Variants in DOCK3 observed in about 807,000 individuals in gnomAD.
DOCK3 encodes the protein dedicator of cytokinesis 3, also known as dedicator of cytokinesis protein 3.
Under a neutral mutation model 265.6 loss-of-function variants are expected in DOCK3, and 60 were observed. The ratio of observed to expected loss-of-function variants is 0.23; its 90% confidence interval spans 0.18 to 0.28. The LOEUF is 0.28. Among genes scored for constraint, DOCK3 ranks in the 10% least tolerant of loss-of-function variants. The pLI is 1.00. For synonymous variants in DOCK3, 881 were observed against 938.0 expected, an observed-to-expected ratio of 0.94 and a Z score of 1.11; for missense variants, 1,981 against 2,594.3, an observed-to-expected ratio of 0.76 and a Z score of 5.14.
At chr3:50,686,448 T>C (rs936161738) in intron 1 of DOCK3, among the ~76,000 whole-genome samples, 1 of 152,252 alleles carries the variant, frequency 6.6e-6, no homozygotes, top group Non-Finnish European at 1.5e-5. Flanking sequence ...TCTTCTAGCA[T>C]GCACAAAGTC....
intron 12 of DOCK3, among the ~76,000 whole-genome samples, chr3:51,165,469 C>T (rs1407452166): frequency 6.6e-6 from 1 of 152,230 alleles, no homozygotes; most frequent in African/African-American, 2.4e-5. Context: ...CTAATGTTTA[C>T]CATTTTAGCA....
At chr3:50,719,712 G>A (rs1037753795) in intron 1 of DOCK3, 2 of 1,444,712 alleles carry the variant, frequency 1.4e-6, no homozygotes, top group Non-Finnish European at 1.9e-6. Context: ...ATGCTTCAGA[G>A]TGAAGTTCTT....
intron 2 of DOCK3, among the ~76,000 whole-genome samples, chr3:50,799,063 A>G (rs774001388): frequency 1.3e-5 from 2 of 152,076 alleles, no homozygotes; most frequent in Non-Finnish European, 2.9e-5. Flanking sequence ...GGTTGTCTAT[A>G]CTGTTTTAGT....
At chr3:50,706,098 G>T (rs756820479) in intron 1 of DOCK3, among the ~76,000 whole-genome samples, 3 of 151,970 alleles carry the variant, frequency 2.0e-5, no homozygotes, top group African/African-American at 4.8e-5. Flanking sequence ...TATGAAGAAG[G>T]CGCCTGCTTC....
intron 5 of DOCK3, among the ~76,000 whole-genome samples, chr3:51,033,355 T>A (rs148850510): frequency 2.8e-4 from 42 of 152,324 alleles, no homozygotes; most frequent in African/African-American, 7.7e-4. Flanking sequence ...TGATCCTTCC[T>A]TAAAACTATT....
chr3:51,290,586 A>G (rs987477956), intron 27 of DOCK3, among the ~76,000 whole-genome samples: 3 of 152,226 alleles, frequency 2.0e-5, no homozygotes, highest in Non-Finnish European at 2.9e-5. Flanking sequence ...CCTAGTGTAA[A>G]TGACGAGTTA....
chr3:51,200,432 T>C (rs1308368471), intron 12 of DOCK3, among the ~76,000 whole-genome samples: 5 of 29,202 alleles, frequency 1.7e-4, no homozygotes, highest in South Asian at 1.4e-3. Flanking sequence ...AGGGTATCAG[T>C]GATGGAAGAT....
intron 4 of DOCK3, among the ~76,000 whole-genome samples, chr3:50,917,846 G>C (rs2050211913): frequency 6.6e-6 from 1 of 151,958 alleles, no homozygotes; most frequent in Non-Finnish European, 1.5e-5. Flanking sequence ...TGACATGTTG[G>C]TGTGCTGCAT....
chr3:50,968,313 C>A (rs1293956165), intron 5 of DOCK3, among the ~76,000 whole-genome samples: 1 of 151,954 alleles, frequency 6.6e-6, no homozygotes, highest in East Asian at 1.9e-4. Context: ...GCTACAGGCA[C>A]ACATCACCAT....
intron 27 of DOCK3, among the ~76,000 whole-genome samples, chr3:51,300,227 T>C (rs1003970358): frequency 6.6e-6 from 1 of 152,162 alleles, no homozygotes; most frequent in Non-Finnish European, 1.5e-5. Flanking sequence ...TGTATATGAA[T>C]GCTTGTGATT....
intron 3 of DOCK3, among the ~76,000 whole-genome samples, chr3:50,857,456 G>C (rs1467617353): frequency 2.0e-5 from 3 of 152,230 alleles, no homozygotes; most frequent in Non-Finnish European, 4.4e-5. Context: ...AAACTAAAGA[G>C]CTTCTGCACG....
At chr3:50,999,134 G>A (rs34002537) in intron 5 of DOCK3, among the ~76,000 whole-genome samples, 15,038 of 152,224 alleles carry the variant, frequency 0.099, 935 homozygotes, top group Non-Finnish European at 0.13. Context: ...CTATAAAACC[G>A]TAGAAATAAT....
chr3:51,142,379 T>C (rs905640575), intron 9 of DOCK3, among the ~76,000 whole-genome samples: 1 of 152,204 alleles, frequency 6.6e-6, no homozygotes, highest in East Asian at 1.9e-4. Flanking sequence ...AGTTCCCTCA[T>C]GTACCTTTGC....
At chr3:50,943,865 A>G (rs1043213793) in intron 5 of DOCK3, among the ~76,000 whole-genome samples, 3 of 152,148 alleles carry the variant, frequency 2.0e-5, no homozygotes, top group Non-Finnish European at 2.9e-5. Context: ...ATCCACTTCT[A>G]TGATAGGCTC....
At chr3:50,979,612 T>A (rs542388269) in intron 5 of DOCK3, among the ~76,000 whole-genome samples, 6 of 152,306 alleles carry the variant, frequency 3.9e-5, no homozygotes, top group Admixed American at 1.3e-4. Context: ...CCGAAACAGA[T>A]GCTGGTGCCA....
chr3:50,706,802 A>C (rs1435806575), intron 1 of DOCK3, among the ~76,000 whole-genome samples: 1 of 147,514 alleles, frequency 6.8e-6, no homozygotes, highest in Non-Finnish European at 1.5e-5. Flanking sequence ...TTTTTTTTTG[A>C]TCTGACTTGG....
intron 1 of DOCK3, among the ~76,000 whole-genome samples, chr3:50,766,642 A>G (rs1425458601): frequency 6.6e-6 from 1 of 152,156 alleles, no homozygotes; most frequent in Non-Finnish European, 1.5e-5. Flanking sequence ...ATACCCAGTA[A>G]TGGGATGGCT....
intron 5 of DOCK3, among the ~76,000 whole-genome samples, chr3:50,946,858 C>T (rs1316365511): frequency 6.6e-6 from 1 of 152,146 alleles, no homozygotes; most frequent in East Asian, 1.9e-4. Context: ...GATATGACAA[C>T]TACAAGGTTA....
chr3:50,839,705 TCC>T (rs2045711534), intron 2 of DOCK3, among the ~76,000 whole-genome samples: 1 of 31,954 alleles, frequency 3.1e-5, no homozygotes, highest in African/African-American at 1.4e-4. Flanking sequence ...TCCCCTCCCC[TCC>T]CCTCCCCTCC....
Sources: gnomAD v4.1 joint callset for allele counts (sites outside exome capture counted in the v4.1 genomes callset) on GRCh38, gnomAD v4.1.1 for gene constraint, MANE v1.5 for transcripts, NCBI Gene and HGNC (gene_info 2026-07-23, HGNC 2026-07-21) for gene names.